METAP2: variants seen among roughly 807,000 people sequenced by gnomAD.
METAP2 encodes the protein methionyl aminopeptidase 2, also known as methionine aminopeptidase 2.
In METAP2, 25 loss-of-function variants were observed where a neutral mutation model predicts 59.4. The observed-to-expected ratio is 0.42, with a 90% CI of 0.31 to 0.59. METAP2 has a LOEUF of 0.59. Among genes scored for constraint, METAP2 ranks in the 20% least tolerant of loss-of-function variants. The pLI, the probability that METAP2 is intolerant of heterozygous loss-of-function variation, is 0.16. For synonymous variants in METAP2, 214 were observed against 194.1 expected, an observed-to-expected ratio of 1.10 and a Z score of -0.85; for missense variants, 366 against 581.2, an observed-to-expected ratio of 0.63 and a Z score of 3.81.
At chr12:95,493,106 T>C (rs2076251526) in intron 4 of METAP2, among the ~76,000 whole-genome samples, 1 of 152,234 alleles carries the variant, frequency 6.6e-6, no homozygotes, top group Non-Finnish European at 1.5e-5. Flanking sequence ...GTTTAGATTT[T>C]TTTTTTTAAA....
At chr12:95,504,568 C>G (rs1282149581) in intron 8 of METAP2, among the ~76,000 whole-genome samples, 1 of 152,230 alleles carries the variant, frequency 6.6e-6, no homozygotes, top group Admixed American at 6.5e-5. Context: ...GCAACCAGAG[C>G]TCACTGTAGT....
At chr12:95,505,928 C>T (rs2076355494) in intron 8 of METAP2, among the ~76,000 whole-genome samples, 1 of 150,464 alleles carries the variant, frequency 6.6e-6, no homozygotes, top group African/African-American at 2.5e-5. Flanking sequence ...AACCCCGTCT[C>T]TACTAAATAC....
intron 4 of METAP2, among the ~76,000 whole-genome samples, chr12:95,487,591 AT>A (rs5800209): frequency 1.1e-3 from 161 of 141,330 alleles, no homozygotes; most frequent in South Asian, 1.6e-3. Context: ...TAATCTCTTA[AT>A]TTTTTTTTTT....
chr12:95,483,814 A>T (rs1221074627), intron 3 of METAP2, among the ~76,000 whole-genome samples: 1 of 152,178 alleles, frequency 6.6e-6, no homozygotes, highest in East Asian at 1.9e-4. Context: ...GTGGTAGGGT[A>T]AGCGTTGTTT....
chr12:95,479,271 CA>C (rs1187678581), intron 2 of METAP2, among the ~76,000 whole-genome samples: 1 of 152,106 alleles, frequency 6.6e-6, no homozygotes, highest in African/African-American at 2.4e-5. Context: ...ATCCAGTGAA[CA>C]GTAGTGTGGA....
intron 2 of METAP2, among the ~76,000 whole-genome samples, chr12:95,479,400 G>A (rs76157132): frequency 0.015 from 2,244 of 152,232 alleles, 58 homozygotes; most frequent in African/African-American, 0.051. Flanking sequence ...AAATAGTGAA[G>A]TTGGGAAAGA....
intron 2 of METAP2, among the ~76,000 whole-genome samples, chr12:95,482,405 A>T (rs1184898644): frequency 1.3e-5 from 2 of 152,146 alleles, no homozygotes; most frequent in African/African-American, 4.8e-5. Context: ...GAACCACTTT[A>T]CCTAGCCTAA....
intron 8 of METAP2, among the ~76,000 whole-genome samples, 193 bp from the exon 9 acceptor site, chr12:95,511,702 A>G (rs1267856048): frequency 5.9e-5 from 9 of 152,154 alleles, no homozygotes; most frequent in Non-Finnish European, 1.0e-4. Context: ...TACTTCTAGT[A>G]TTAATAACAC....
Position 95,494,062 on chromosome 12 carries a change from A to G in METAP2, c.435A>G (p.Thr145=), listed in dbSNP as rs200273310. The change falls in exon 5 of 11, where the codon ACA becomes ACG. Residue 145 remains threonine, a synonymous_variant. Transcript: ENST00000323666. ...TTCTATGCCCACTCTAAAGGCGAAC[A>G]GCTGCTTGGAGAACTACAAGTGAAG... ...CEYPPTQDGR[T]AAWRTTSEEK... 57 of 1,613,712 alleles carry G rather than the reference A, an allele frequency of 3.5e-5. No homozygotes were observed. Among genetic ancestry groups the G allele is most frequent in the Non-Finnish European group, 4.7e-5 (56 of 1,179,868 alleles).
chr12:95,512,467 A>G (rs112344502), intron 9 of METAP2, among the ~76,000 whole-genome samples: 49 of 152,314 alleles, frequency 3.2e-4, no homozygotes, highest in African/African-American at 1.2e-3. Flanking sequence ...CAGCACTTTG[A>G]GACACCAAGG....
intron 10 of METAP2, among the ~76,000 whole-genome samples, 164 bp downstream of exon 10, chr12:95,513,080 A>G (rs902998689): frequency 2.1e-5 from 3 of 141,428 alleles, no homozygotes; most frequent in Admixed American, 8.3e-5. Flanking sequence ...ATTTTAACTG[A>G]GATAAAAATT....
intron 7 of METAP2, among the ~76,000 whole-genome samples, 190 bp downstream of exon 7, chr12:95,496,288 T>TTTTTTTTG (rs1555191888): frequency 1.3e-5 from 2 of 152,036 alleles, no homozygotes; most frequent in African/African-American, 4.8e-5. Flanking sequence ...AAGGTTGTTT[T>TTTTTTTTG]TTTGTTTGTT....
chr12:95,483,806 G>T (rs763648048), intron 3 of METAP2, among the ~76,000 whole-genome samples: 1 of 152,122 alleles, frequency 6.6e-6, no homozygotes, highest in Non-Finnish European at 1.5e-5. Context: ...CCATGGTGGT[G>T]GTAGGGTAAG....
intron 4 of METAP2, among the ~76,000 whole-genome samples, chr12:95,486,877 C>A (rs887649610): frequency 1.5e-4 from 23 of 152,186 alleles, no homozygotes; most frequent in African/African-American, 5.3e-4. Flanking sequence ...TCACCTGATT[C>A]TTCAAGGTGT....
intron 7 of METAP2, among the ~76,000 whole-genome samples, chr12:95,501,007 ATTTT>A (rs540202398): frequency 1.8e-4 from 19 of 103,526 alleles, no homozygotes; most frequent in Admixed American, 8.0e-4. Context: ...CTTTGTTGGG[ATTTT>A]TTTTTTTTTT....
intron 7 of METAP2, among the ~76,000 whole-genome samples, chr12:95,500,511 T>G (rs1160291638): frequency 7.2e-5 from 11 of 152,206 alleles, no homozygotes; most frequent in Non-Finnish European, 1.6e-4. Context: ...GAGTATGATG[T>G]TAGCTGTAGG....
intron 4 of METAP2, among the ~76,000 whole-genome samples, chr12:95,493,193 C>T (rs981998713): frequency 6.6e-6 from 1 of 151,998 alleles, no homozygotes; most frequent in Non-Finnish European, 1.5e-5. Flanking sequence ...ATAAAAAATT[C>T]TGTCAGTTGG....
intron 2 of METAP2, chr12:95,482,131 C>T (rs180997445): frequency 1.8e-5 from 8 of 453,524 alleles, no homozygotes; most frequent in Middle Eastern, 3.3e-4. Flanking sequence ...TGTTAGGATA[C>T]AAGATCTCCC....
chr12:95,491,159 T>A (rs1440848242), intron 4 of METAP2, among the ~76,000 whole-genome samples: 3 of 152,064 alleles, frequency 2.0e-5, no homozygotes, highest in African/African-American at 7.2e-5. Flanking sequence ...TACTTTGGTA[T>A]CATTTGGAAT....
Sources: allele counts gnomAD v4.1 joint callset (sites outside exome capture counted in the v4.1 genomes callset), GRCh38; gene constraint gnomAD v4.1.1; transcripts MANE v1.5; gene names NCBI Gene and HGNC (gene_info 2026-07-23, HGNC 2026-07-21).